LTBP4: variants seen among roughly 807,000 people sequenced by gnomAD.
The protein encoded by LTBP4 is latent-transforming growth factor beta-binding protein 4.
Under a neutral mutation model 180.2 loss-of-function variants are expected in LTBP4, and 93 were observed. The ratio of observed to expected loss-of-function variants is 0.52; its 90% confidence interval spans 0.44 to 0.61. The LOEUF (loss-of-function observed/expected upper bound fraction) is 0.61, where lower values mean the gene tolerates loss of function less well. LTBP4 is among the 20% of genes least tolerant of loss of function. The pLI is 0.00. For synonymous variants in LTBP4, 947 were observed against 934.5 expected (o/e 1.01, Z -0.24); for missense variants, 2,116 against 2,256.5 (o/e 0.94, Z 1.26).
chr19:40,611,526 CT>C lies in LTBP4; in HGVS notation c.2053+133del. 1 of 1,294,954 alleles carries C rather than the reference CT, an allele frequency of 7.7e-7. No individual in the cohort carries two copies. Among genetic ancestry groups the C allele is most frequent in the Non-Finnish European group, 1.0e-6 (1 of 956,132 alleles). The allele number at this position is 1,294,954 out of a possible 1,614,324, so 80.2% of individuals were successfully genotyped here. On this transcript the variant is annotated intron_variant, in intron 13 of 29. Coordinates refer to ENST00000396819, the MANE Select transcript of LTBP4 (RefSeq NM_001042545.2). The surrounding 1 kb of genome is among the most constrained non-coding windows in gnomAD (Gnocchi z 4.4). ...CAGGGGCTGAGGGATGGGGACCTCA[CT>C]CCAGAGTCTTCTCTCCTTTCAACAA...
At chr19:40,604,957 A>G (rs1328507874) in intron 1 of LTBP4, 78 bp from the exon 2 acceptor site, 6 of 1,324,912 alleles carry the variant, frequency 4.5e-6, no homozygotes, top group Non-Finnish European at 5.2e-6. Flanking sequence ...GAAATGAATG[A>G]TACCTTGAGG....
chr19:40,605,142 G>T lies in LTBP4; in HGVS notation c.358G>T (p.Ala120Ser), dbSNP rs368746762. The T allele has an allele frequency of 3.1e-6, 5 of 1,612,838 alleles. No individual in the cohort carries two copies. In the Admixed American group the frequency reaches 6.7e-5, roughly 22 times the overall value. Residue 120 changes from alanine to serine, a missense_variant, in exon 2 of 30, where the codon GCC (alanine) becomes TCC (serine). Coordinates refer to ENST00000396819, the MANE Select transcript of LTBP4 (RefSeq NM_001042545.2). The surrounding 1 kb of genome is among the most constrained non-coding windows in gnomAD (Gnocchi z 5.5). The stretch of plus-strand genomic sequence containing the variant: ...GTTCTGCCAGTTGCACTCCTCGGGC[G>T]CCCGGCCCCCGGCCCCGGCTGTACC... ...GKFCQLHSSG[A>S]RPPAPAVPGL... is the part of the protein sequence containing the mutation.
In LTBP4 at chr19:40,629,687, GCGA is replaced by G. The variant is rs2081664921; in HGVS notation, c.*140_*142del. 7.7e-6 allele frequency: 7 copies of G among 912,050 alleles called. No homozygotes were observed. The South Asian group carries it at 8.8e-5, about 11-fold the overall frequency. The allele number at this position is 912,050 out of a possible 1,614,324, so 56.5% of individuals were successfully genotyped here. A position where few individuals can be genotyped will look rare whatever the true frequency, so the allele number is the denominator to read the frequency against. On this transcript the variant is annotated 3_prime_UTR_variant, in exon 30 of 30. Coordinates refer to ENST00000396819, the MANE Select transcript of LTBP4 (RefSeq NM_001042545.2). The surrounding 1 kb of genome is among the most constrained non-coding windows in gnomAD (Gnocchi z 4.5). ...AGGGACCTACGGACGCCTGGAAGCT[GCGA>G]CGCCCTGCACTGCTCCCGCCTCCAC...
At chr19:40,618,998 G>A (rs2081568223) in intron 21 of LTBP4, among the ~76,000 whole-genome samples, 1 of 151,690 alleles carries the variant, frequency 6.6e-6, no homozygotes, top group Non-Finnish European at 1.5e-5. Flanking sequence ...AAAAAGGGAG[G>A]TTTTTTTTTC....
intron 1 of LTBP4, among the ~76,000 whole-genome samples, chr19:40,594,050 G>A (rs1164556634): frequency 1.3e-5 from 2 of 151,694 alleles, no homozygotes; most frequent in East Asian, 2.0e-4. Context: ...CTCCCACCTC[G>A]GCCTCCCAAA....
rs1264666203 is a variant in LTBP4 at position 40,605,760 on chromosome 19, A to T, written c.722A>T (p.Gln241Leu). Residue 241 changes from glutamine to leucine, a missense_variant, in exon 4 of 30, where the codon CAG becomes CTG. This residue lies in a region of LTBP4 where 469 missense variants were observed against 532.5 expected (regional missense o/e 0.88). Transcript: ENST00000396819. The surrounding 1 kb of genome is among the most constrained non-coding windows in gnomAD (Gnocchi z 5.5). ...CASPLPGLRT[Q>L]EVCCRGAGLA... ...TCCCCGCTGCCCGGGCTCCGGACGC[A>T]GGAGGTCTGCTGCCGAGGGGCCGGC... 1.3e-6 allele frequency: 2 copies of T among 1,544,074 alleles called. No homozygotes were observed. Among genetic ancestry groups the T allele is most frequent in the Admixed American group, 2.0e-5 (1 of 50,986 alleles).
rs554940217 is a variant in LTBP4, at chr19:40,610,153, C to T, written c.1684+282C>T. The T allele has an allele frequency of 1.6e-5, 8 of 502,976 alleles. No homozygotes were observed. The South Asian group carries it at 2.7e-4, about 17-fold the overall frequency. The allele number at this position is 502,976 out of a possible 1,614,324, so 31.2% of individuals were successfully genotyped here. A position where few individuals can be genotyped will look rare whatever the true frequency, so the allele number is the denominator to read the frequency against. Reference sequence around the variant, plus strand: ...GCCCAGGCCCCGCCCTTATTGGCCACGCCCCTCCCTGACTAACTCCCTCCC... The same window carrying T: ...GCCCAGGCCCCGCCCTTATTGGCCATGCCCCTCCCTGACTAACTCCCTCCC... On this transcript the variant is annotated intron_variant, in intron 11 of 29. Transcript: ENST00000396819.
At chr19:40,623,103 T>A in intron 24 of LTBP4, 82 bp downstream of exon 24, 3 of 1,046,218 alleles carry the variant, frequency 2.9e-6, no homozygotes, top group Non-Finnish European at 2.7e-6. Flanking sequence ...CCTCTGTCTC[T>A]CACCCTTTCT....
intron 1 of LTBP4, among the ~76,000 whole-genome samples, chr19:40,594,735 G>C (rs1375330191): frequency 1.3e-5 from 2 of 152,276 alleles, no homozygotes; most frequent in East Asian, 3.9e-4. Flanking sequence ...ACCTGCCCCA[G>C]GGACTGTGTG....
chr19:40,617,038 A>G lies in LTBP4; in HGVS notation c.2944+18A>G. The G allele has an allele frequency of 6.2e-7, 1 of 1,612,904 alleles. No individual in the cohort carries two copies. Among genetic ancestry groups the G allele is most frequent in the Non-Finnish European group, 8.5e-7 (1 of 1,178,940 alleles). On this transcript the variant is annotated intron_variant, in intron 20 of 29. Transcript: ENST00000396819. ...ATGCCAGGGTGGGTGTCCATCAGGC[A>G]TCGGGTGAGATGTGGAGATGGTAGA... is the stretch of plus-strand genomic sequence containing the variant.
In LTBP4 at chr19:40,617,123, T is replaced by C. The variant is rs766055996; in HGVS notation, c.2968T>C (p.Ser990Pro). 26 of 1,613,932 alleles carry C rather than the reference T, an allele frequency of 1.6e-5. No individual in the cohort carries two copies. Among genetic ancestry groups the C allele is most frequent in the Non-Finnish European group, 2.0e-5 (24 of 1,179,880 alleles). ...AGATGTGGACGAATGCCGGAACCGG[T>C]CCTTCTGCGGTGCCCACGCCGTGTG... ...CQDVDECRNR[S>P]FCGAHAVCQN... Residue 990 changes from serine (S) to proline (P), a missense_variant, in exon 21 of 30, where the codon TCC becomes CCC. This residue lies in a region of LTBP4 where 278 missense variants were observed against 373.0 expected (regional missense o/e 0.75). Transcript: ENST00000396819.
In LTBP4 at chr19:40,623,944, G is replaced by T; in HGVS notation, c.3694G>T (p.Glu1232Ter). The change falls in exon 26 of 30, where the codon GAG becomes TAG. Residue 1232 changes from glutamate (E) to a stop codon, truncating the protein, a stop_gained. Transcript: ENST00000396819. LOFTEE classifies it high-confidence loss of function. ...TQRLECIDNDECADEEPACEG... is the reference protein window; with the variant it reads ...TQRLECIDND The stretch of plus-strand genomic sequence containing the variant: ...AATCATCCTCTCCCTAGACAATGAC[G>T]AGTGCGCCGATGAGGAACCGGCCTG... 1 of 1,613,924 alleles carries T rather than the reference G, an allele frequency of 6.2e-7. No individual in the cohort carries two copies. Among genetic ancestry groups the T allele is most frequent in the Non-Finnish European group, 8.5e-7 (1 of 1,179,848 alleles).
Position 40,613,307 on chromosome 19 carries a change from A to G in LTBP4, c.2432-97A>G, listed in dbSNP as rs930365401. ...CAAGGCGCTGTGGGAGGAGCTTAGA[A>G]ACCTGGCATTGGTGGGGGCGGGGTT... On this transcript the variant is annotated intron_variant, in intron 16 of 29. Coordinates refer to ENST00000396819, the MANE Select transcript of LTBP4 (RefSeq NM_001042545.2). The surrounding 1 kb of genome is among the most constrained non-coding windows in gnomAD (Gnocchi z 5.0). 100 of 1,548,670 alleles carry G rather than the reference A, an allele frequency of 6.5e-5. No individual in the cohort carries two copies. The highest frequency in any genetic ancestry group is 8.5e-5 in the Non-Finnish European group (97 of 1,145,100).
At position 40,594,197 on chromosome 19, in the gene LTBP4, A is replaced by G. The variant is rs570598974; in HGVS notation, c.16+1016A>G. On this transcript the variant is annotated intron_variant, in intron 1 of 32. Transcript: ENST00000204005. Reference sequence around the variant, plus strand: ...TGAAGAGCTGGGTTTTTTAAATGCTAGAGATAGTATTATCCTAGTATAGTA... The same window carrying G: ...TGAAGAGCTGGGTTTTTTAAATGCTGGAGATAGTATTATCCTAGTATAGTA... Among the ~76,000 whole-genome samples the G allele has an allele frequency of 2.0e-5, 3 of 151,206 alleles. No homozygotes were observed. In the South Asian group the frequency reaches 6.3e-4, roughly 32 times the overall value.
intron 1 of LTBP4, among the ~76,000 whole-genome samples, chr19:40,602,732 C>G (rs959843415): frequency 6.6e-6 from 1 of 152,186 alleles, no homozygotes; most frequent in African/African-American, 2.4e-5. Flanking sequence ...CTCAACTCCC[C>G]GCTTGGCCAG....
intron 19 of LTBP4, 97 bp downstream of exon 19, chr19:40,614,543 T>C: frequency 7.0e-7 from 1 of 1,436,042 alleles, no homozygotes; most frequent in Non-Finnish European, 9.3e-7. Flanking sequence ...TTCCCAGACT[T>C]AGGCGGAGGG....
At chr19:40,598,042 T>C (rs953240784), upstream of LTBP4, among the ~76,000 whole-genome samples, 1 of 152,040 alleles carries the variant, frequency 6.6e-6, no homozygotes, top group African/African-American at 2.4e-5. Context: ...GGATTCCCTA[T>C]AGATCTGGGG....
chr19:40,595,981 T>G (rs1166434793), intron 1 of LTBP4, among the ~76,000 whole-genome samples: 1 of 139,158 alleles, frequency 7.2e-6, no homozygotes, highest in Non-Finnish European at 1.5e-5. Context: ...AGTGCAGTGG[T>G]GTGATCTTGG....
Position 40,613,080 on chromosome 19 carries a change from G to A in LTBP4, c.2315G>A (p.Ser772Asn). 2 of 1,611,974 alleles carry A rather than the reference G, an allele frequency of 1.2e-6. No individual in the cohort carries two copies. Among genetic ancestry groups the A allele is most frequent in the South Asian group, 1.1e-5 (1 of 90,516 alleles). ...RGRCTDVDEC[S>N]SGAPPCGPHG... ...CCCCCCACAGATGTGGACGAATGCA[G>A]TTCGGGTGCCCCTCCCTGTGGTCCC... The change falls in exon 16 of 30, where the codon AGT (serine) becomes AAT (asparagine). Residue 772 changes from serine (S) to asparagine (N), a missense_variant. Coordinates refer to ENST00000396819, the MANE Select transcript of LTBP4 (RefSeq NM_001042545.2). The surrounding 1 kb of genome is among the most constrained non-coding windows in gnomAD (Gnocchi z 5.0).
Sources: allele counts gnomAD v4.1 joint callset (sites outside exome capture counted in the v4.1 genomes callset), GRCh38; gene constraint gnomAD v4.1.1; regional missense constraint gnomAD v4.1.1; non-coding constraint Gnocchi (gnomAD v3.1); transcripts MANE v1.5; gene names NCBI Gene and HGNC (gene_info 2026-07-23, HGNC 2026-07-21).